Variants in TACR1 observed in about 807,000 individuals in gnomAD.
The protein encoded by TACR1 is substance-P receptor.
TACR1 carries 25 observed loss-of-function variants against 35.8 expected under a neutral mutation model. The ratio of observed to expected loss-of-function variants is 0.70; its 90% CI spans 0.51 to 0.98. TACR1 has a LOEUF of 0.98. Among genes scored for constraint, TACR1 ranks in the 50% least tolerant of loss-of-function variants. The pLI is 0.00. For missense variants in TACR1, 478 were observed against 522.9 expected (o/e 0.91, Z 0.84); for synonymous variants, 195 against 206.7 (o/e 0.94, Z 0.48).
intron 2 of TACR1, among the ~76,000 whole-genome samples, chr2:75,103,552 TA>T (rs1673582905): frequency 7.4e-6 from 1 of 135,448 alleles, no homozygotes; most frequent in African/African-American, 2.8e-5. Context: ...CATACTAACA[TA>T]AATAAATGAT....
intron 2 of TACR1, among the ~76,000 whole-genome samples, chr2:75,099,597 C>T (rs1219183308): frequency 6.6e-6 from 1 of 152,194 alleles, no homozygotes; most frequent in Non-Finnish European, 1.5e-5. Flanking sequence ...CATTCTTGCC[C>T]ACAGCTGCCC....
At chr2:75,132,391 A>C (rs1223972945) in intron 1 of TACR1, among the ~76,000 whole-genome samples, 1 of 152,128 alleles carries the variant, frequency 6.6e-6, no homozygotes, top group African/African-American at 2.4e-5. Flanking sequence ...ATCTGCTATT[A>C]GATTCGTCCA....
chr2:75,160,414 TA>T (rs1674977937), intron 1 of TACR1, among the ~76,000 whole-genome samples: 1 of 151,884 alleles, frequency 6.6e-6, no homozygotes, highest in South Asian at 2.1e-4. Context: ...AATTAGAAAA[TA>T]TGGTAGTTTT....
chr2:75,091,201 C>CAA (rs1184236584), intron 2 of TACR1, among the ~76,000 whole-genome samples: 646 of 63,204 alleles, frequency 0.01, 17 homozygotes, highest in Admixed American at 0.068. Context: ...CTCGTAGGTG[C>CAA]AAAAAAAAAA....
intron 1 of TACR1, among the ~76,000 whole-genome samples, chr2:75,148,690 T>C (rs1204228316): frequency 2.6e-5 from 4 of 152,214 alleles, no homozygotes; most frequent in African/African-American, 7.2e-5. Context: ...ATTCTGATGA[T>C]AGTTTCTTTT....
At chr2:75,096,613 G>A (rs1431362338) in intron 2 of TACR1, among the ~76,000 whole-genome samples, 4 of 152,300 alleles carry the variant, frequency 2.6e-5, no homozygotes, top group East Asian at 3.9e-4. Context: ...CATATTTAGA[G>A]CTTTGCAAAT....
intron 1 of TACR1, among the ~76,000 whole-genome samples, chr2:75,122,019 G>A (rs188130632): frequency 1.3e-5 from 2 of 152,256 alleles, no homozygotes; most frequent in African/African-American, 4.8e-5. Context: ...TTCAGTATGC[G>A]CTCAATAAAT....
At chr2:75,099,515 T>A (rs1002811262) in intron 2 of TACR1, among the ~76,000 whole-genome samples, 3 of 152,026 alleles carry the variant, frequency 2.0e-5, no homozygotes, top group African/African-American at 7.2e-5. Context: ...CACCTCCAAT[T>A]CCCTTACTCT....
chr2:75,106,332 A>C (rs1673644573), intron 2 of TACR1, among the ~76,000 whole-genome samples: 1 of 152,068 alleles, frequency 6.6e-6, no homozygotes, highest in Non-Finnish European at 1.5e-5. Flanking sequence ...CTGGATTCTC[A>C]TATCTGCTTC....
At chr2:75,057,121 CTGCA>C (rs1424140183) in intron 2 of TACR1, among the ~76,000 whole-genome samples, 1 of 152,244 alleles carries the variant, frequency 6.6e-6, no homozygotes, top group African/African-American at 2.4e-5. Context: ...CCCCTGTGAC[CTGCA>C]CGTATACATC....
chr2:75,153,453 C>A (rs1297193337), intron 1 of TACR1, among the ~76,000 whole-genome samples: 1 of 152,182 alleles, frequency 6.6e-6, no homozygotes, highest in Non-Finnish European at 1.5e-5. Flanking sequence ...ATTGACCTCT[C>A]TTGTGAAATG....
intron 1 of TACR1, among the ~76,000 whole-genome samples, chr2:75,148,896 G>C (rs1301498644): frequency 6.6e-6 from 1 of 152,106 alleles, no homozygotes; most frequent in African/African-American, 2.4e-5. Context: ...GTTATTTTTT[G>C]TATAAGGTGT....
At chr2:75,094,859 A>ATTTTTT (rs58283121) in intron 2 of TACR1, among the ~76,000 whole-genome samples, 22 of 113,064 alleles carry the variant, frequency 1.9e-4, no homozygotes, top group African/African-American at 1.0e-3. Context: ...ATATATATAT[A>ATTTTTT]TTTTTTTTTT....
At chr2:75,186,106 G>T (rs565844416) in intron 1 of TACR1, among the ~76,000 whole-genome samples, 1 of 152,232 alleles carries the variant, frequency 6.6e-6, no homozygotes, top group East Asian at 1.9e-4. Context: ...AGGCACTGTG[G>T]CTCACGCCTG....
At chr2:75,149,556 A>G (rs1674625861) in intron 1 of TACR1, among the ~76,000 whole-genome samples, 2 of 152,112 alleles carry the variant, frequency 1.3e-5, no homozygotes, top group South Asian at 4.1e-4. Context: ...TTGTTGGTGT[A>G]TAGGAACATT....
At chr2:75,138,818 C>T (rs1321977718) in intron 1 of TACR1, among the ~76,000 whole-genome samples, 1 of 152,024 alleles carries the variant, frequency 6.6e-6, no homozygotes. Context: ...GAGCCAGGCA[C>T]TATGGCAGGA....
At chr2:75,118,136 T>C (rs1257829580) in intron 2 of TACR1, among the ~76,000 whole-genome samples, 1 of 152,216 alleles carries the variant, frequency 6.6e-6, no homozygotes, top group African/African-American at 2.4e-5. Context: ...ACTGTGAAAG[T>C]GGCAATCATT....
chr2:75,048,889 G>A lies in TACR1; in HGVS notation c.*543C>T, dbSNP rs1672411310. On this transcript the variant is annotated 3_prime_UTR_variant, in exon 5 of 5. Coordinates refer to ENST00000305249, the MANE Select transcript of TACR1 (RefSeq NM_001058.4). ...TGAAATACTGAGATGCCAAAAAGGG[G>A]AATACATATGTTTCTTTTCACAGAT... 1 of 153,418 alleles carries A rather than the reference G, an allele frequency of 6.5e-6. No homozygotes were observed. Among genetic ancestry groups the A allele is most frequent in the Non-Finnish European group, 1.4e-5 (1 of 68,990 alleles). 9.5% of individuals were successfully genotyped at this position (153,418 alleles called of 1,614,324 possible). A position where few individuals can be genotyped will look rare whatever the true frequency, so the allele number is the denominator to read the frequency against.
intron 1 of TACR1, among the ~76,000 whole-genome samples, chr2:75,182,953 G>T (rs1420945550): frequency 2.0e-5 from 3 of 152,140 alleles, no homozygotes; most frequent in African/African-American, 7.2e-5. Context: ...ATAATCATTG[G>T]ATTAATGTCT....
Sources: gnomAD v4.1 joint callset for allele counts (sites outside exome capture counted in the v4.1 genomes callset) on GRCh38, gnomAD v4.1.1 for gene constraint, MANE v1.5 for transcripts, NCBI Gene and HGNC (gene_info 2026-07-23, HGNC 2026-07-21) for gene names.